The following CUEDC1 variants were observed in gnomAD, a reference collection of about 807,000 sequenced individuals.
CUEDC1 encodes the protein CUE domain containing 1.
A neutral mutation model predicts 43.7 loss-of-function variants in CUEDC1; 30 were observed. That is an observed-to-expected ratio of 0.69 (90% confidence interval 0.51 to 0.93). CUEDC1 has a LOEUF of 0.93. Among genes scored for constraint, CUEDC1 ranks in the 40% least tolerant of loss-of-function variants. The pLI is 0.00. For missense variants in CUEDC1, 486 were observed against 549.0 expected (o/e 0.89, Z 1.15); for synonymous variants, 223 against 223.6 (o/e 1.00, Z 0.02).
At chr17:57,868,365 C>CAAGG in intron 7 of CUEDC1, 122 bp from the exon 8 acceptor site, 1 of 824,404 alleles carries the variant, frequency 1.2e-6, no homozygotes, top group Non-Finnish European at 2.1e-6. Context: ...AGGGGGCAGG[C>CAAGG]AAGGGTGGGA....
At position 57,885,214 on chromosome 17, in the gene CUEDC1, G is replaced by A. The variant is rs777384812; in HGVS notation, c.336+15C>T. On this transcript the variant is annotated intron_variant, in intron 2 of 10. Transcript: ENST00000577830. ...CCTCCAGTGGTGGTTGGAATTACCCGGGCTGCGCCCCTACCTCCGGGGGGA... is the reference window on the plus strand; with the variant it reads ...CCTCCAGTGGTGGTTGGAATTACCCAGGCTGCGCCCCTACCTCCGGGGGGA... 3 of 1,544,368 alleles carry A rather than the reference G, an allele frequency of 1.9e-6. No individual in the cohort carries two copies. The highest frequency in any genetic ancestry group is 2.4e-5 in the East Asian group (1 of 41,710).
At chr17:57,891,972 T>C (rs2144983227) in intron 1 of CUEDC1, among the ~76,000 whole-genome samples, 1 of 152,342 alleles carries the variant, frequency 6.6e-6, no homozygotes, top group East Asian at 1.9e-4. Context: ...CTATACTCAC[T>C]GTGGTATCCC....
At chr17:57,883,587 A>G (rs1160355375) in intron 2 of CUEDC1, among the ~76,000 whole-genome samples, 1 of 152,086 alleles carries the variant, frequency 6.6e-6, no homozygotes, top group African/African-American at 2.4e-5. Context: ...GCCGGTCATG[A>G]TGGCACATGC....
At chr17:57,886,212 G>A (rs1426117023) in intron 1 of CUEDC1, among the ~76,000 whole-genome samples, 1 of 152,216 alleles carries the variant, frequency 6.6e-6, no homozygotes, top group African/African-American at 2.4e-5. Flanking sequence ...CGCTGAGTTA[G>A]TGGAGGAGCC....
chr17:57,938,815 A>G (rs1415538684), intron 1 of CUEDC1, among the ~76,000 whole-genome samples: 1 of 151,724 alleles, frequency 6.6e-6, no homozygotes, highest in Non-Finnish European at 1.5e-5. Flanking sequence ...GGCATGTGCC[A>G]CCACGCCCGG....
At chr17:57,952,192 C>CAATTT in intron 1 of CUEDC1, among the ~76,000 whole-genome samples, 1 of 151,380 alleles carries the variant, frequency 6.6e-6, no homozygotes, top group African/African-American at 2.4e-5. Context: ...CAATGCCCTT[C>CAATTT]ATTTTATTTT....
chr17:57,896,570 TC>T (rs1482657111), intron 1 of CUEDC1, among the ~76,000 whole-genome samples: 1 of 151,320 alleles, frequency 6.6e-6, no homozygotes, highest in Non-Finnish European at 1.5e-5. Flanking sequence ...AATATATGTT[TC>T]CCCTGGGGAG....
rs761744709 is a variant in CUEDC1 at position 57,905,249 on chromosome 17, G to GACACACACACACACACACACACAC, written c.-315-19394_-315-19371dup. Among the ~76,000 whole-genome samples the GACACACACACACACACACACACAC allele has an allele frequency of 3.8e-4, 49 of 128,006 alleles. 3 individuals are homozygous for GACACACACACACACACACACACAC. The highest frequency in any genetic ancestry group is 1.3e-3 in the East Asian group (5 of 3,718). The allele number at this position is 128,006 out of a possible 152,430, so 84.0% of individuals were successfully genotyped here. A position where few individuals can be genotyped will look rare whatever the true frequency, so the allele number is the denominator to read the frequency against. ...GGCTACAGCTTCTCTCTCTCTCTCT[G>GACACACACACACACACACACACAC]ACACACACACACACACACACACACA... On this transcript the variant is annotated intron_variant, in intron 1 of 10. Coordinates refer to ENST00000577830, the MANE Select transcript of CUEDC1 (RefSeq NM_001271875.2).
chr17:57,944,527 T>C (rs183151303), intron 1 of CUEDC1, among the ~76,000 whole-genome samples: 1 of 152,336 alleles, frequency 6.6e-6, no homozygotes, highest in East Asian at 1.9e-4. Flanking sequence ...ATTATTAGAC[T>C]ATTACAAGAA....
chr17:57,907,627 C>G (rs1453542891), intron 1 of CUEDC1, among the ~76,000 whole-genome samples: 1 of 152,126 alleles, frequency 6.6e-6, no homozygotes, highest in Non-Finnish European at 1.5e-5. Flanking sequence ...AGGCGGATCA[C>G]TTGAGGTCAG....
At chr17:57,905,248 T>TCACACACACACACACACACACACACACA (rs1491313464) in intron 1 of CUEDC1, among the ~76,000 whole-genome samples, 1 of 44,268 alleles carries the variant, frequency 2.3e-5, no homozygotes, top group Non-Finnish European at 4.8e-5. Context: ...TCTCTCTCTC[T>TCACACACACACACACACACACACACACA]GACACACACA....
chr17:57,868,704 G>C (rs901255388), intron 7 of CUEDC1, among the ~76,000 whole-genome samples: 2 of 152,188 alleles, frequency 1.3e-5, no homozygotes, highest in African/African-American at 4.8e-5. Flanking sequence ...CTGTGGGTCT[G>C]TGTGGCGGGG....
chr17:57,874,078 T>C (rs2074076307), intron 3 of CUEDC1, among the ~76,000 whole-genome samples: 1 of 152,214 alleles, frequency 6.6e-6, no homozygotes, highest in African/African-American at 2.4e-5. Flanking sequence ...TCCTAGCACC[T>C]ACACAGTGCC....
intron 1 of CUEDC1, among the ~76,000 whole-genome samples, chr17:57,916,178 G>A (rs1179811343): frequency 1.3e-5 from 2 of 152,196 alleles, no homozygotes; most frequent in Non-Finnish European, 2.9e-5. Flanking sequence ...CCAGCAACCC[G>A]CCCCAGGTGG....
chr17:57,865,143 G>A (rs1425147136), intron 10 of CUEDC1, among the ~76,000 whole-genome samples: 1 of 152,206 alleles, frequency 6.6e-6, no homozygotes, highest in Non-Finnish European at 1.5e-5. Flanking sequence ...TTCTCCCTGG[G>A]GACCAGTAGG....
intron 1 of CUEDC1, among the ~76,000 whole-genome samples, chr17:57,892,029 C>T (rs1373071): frequency 0.019 from 2,915 of 152,212 alleles, 89 homozygotes; most frequent in African/African-American, 0.065. Context: ...ATTTATTAGG[C>T]GAATGAGTAA....
In CUEDC1 at chr17:57,885,517, G is replaced by A; in HGVS notation, c.48C>T (p.Gly16=). ...CCCCGCCCCCGCGTGCCCCGGCGGT[G>A]CCACCCCCGCCGCTGCCGCTGCTGC... ...RRSSSGSGGG[G]TAGARGGGGG... The change falls in exon 2 of 11, where the codon GGC becomes GGT. Residue 16 remains glycine (G), a synonymous_variant. Transcript: ENST00000577830. The A allele has an allele frequency of 2.9e-6, 4 of 1,391,066 alleles. No individual in the cohort carries two copies. Among genetic ancestry groups the A allele is most frequent in the South Asian group, 3.3e-5 (2 of 60,884 alleles). 86.2% of individuals were successfully genotyped at this position (1,391,066 alleles called of 1,614,324 possible).
intron 1 of CUEDC1, among the ~76,000 whole-genome samples, chr17:57,905,364 T>C (rs2074520388): frequency 6.6e-6 from 1 of 151,978 alleles, no homozygotes; most frequent in Admixed American, 6.6e-5. Flanking sequence ...GATGCCTGGC[T>C]GCGCGCTGCC....
intron 3 of CUEDC1, among the ~76,000 whole-genome samples, chr17:57,875,295 G>A (rs1162737602): frequency 1.3e-5 from 2 of 152,170 alleles, no homozygotes; most frequent in Non-Finnish European, 2.9e-5. Context: ...AGCCACCCAG[G>A]AAAGCAGTGG....
Sources: gnomAD v4.1 joint callset for allele counts (sites outside exome capture counted in the v4.1 genomes callset) on GRCh38, gnomAD v4.1.1 for gene constraint, MANE v1.5 for transcripts, NCBI Gene and HGNC (gene_info 2026-07-23, HGNC 2026-07-21) for gene names.